CACNA1D: variants seen among roughly 807,000 people sequenced by gnomAD.
The protein encoded by CACNA1D is calcium voltage-gated channel subunit alpha1 D, also known as voltage-dependent L-type calcium channel subunit alpha-1D.
A neutral mutation model predicts 257.1 loss-of-function variants in CACNA1D; 55 were observed. The ratio of observed to expected loss-of-function variants is 0.21; its 90% confidence interval spans 0.17 to 0.27. The LOEUF is 0.27. CACNA1D is among the 10% of genes least tolerant of loss of function. The probability of loss-of-function intolerance (pLI) is 1.00; values close to 1 mark genes in which losing one functional copy is unlikely to be tolerated. For synonymous variants in CACNA1D, 980 were observed against 1,014.9 expected (o/e 0.97, Z 0.65); for missense variants, 1,876 against 2,784.0 (o/e 0.67, Z 7.34).
intron 21 of CACNA1D, chr3:53,740,573 T>C: frequency 2.1e-6 from 1 of 486,728 alleles, no homozygotes; most frequent in East Asian, 3.6e-5. Context: ...ATGGGTTTTT[T>C]TTTTGTCTTT....
intron 3 of CACNA1D, among the ~76,000 whole-genome samples, chr3:53,519,636 T>G (rs759330299): frequency 9.9e-5 from 15 of 152,206 alleles, no homozygotes; most frequent in Non-Finnish European, 1.6e-4. Flanking sequence ...AAAAGAAGCC[T>G]TATTGAGATT....
chr3:53,661,022 A>G (rs2108332254), intron 5 of CACNA1D, among the ~76,000 whole-genome samples: 1 of 152,326 alleles, frequency 6.6e-6, no homozygotes, highest in African/African-American at 2.4e-5. Context: ...CCTGAGTTGG[A>G]ATAGATGCCC....
At chr3:53,539,238 T>C (rs2092228494) in intron 3 of CACNA1D, among the ~76,000 whole-genome samples, 3 of 152,078 alleles carry the variant, frequency 2.0e-5, no homozygotes, top group Admixed American at 6.5e-5. Context: ...GCCTCCCTAG[T>C]AGCTGGGATT....
chr3:53,698,423 A>G lies in CACNA1D; in HGVS notation c.1221-4218A>G, dbSNP rs80307445. On this transcript the variant is annotated intron_variant, in intron 8 of 47. Transcript: ENST00000350061. Reference sequence around the variant, plus strand: ...TGTTTGTAGTTCATCCCTCACTCCAATCCTACCCAAGACTGAGAGTATGTC... The same window carrying G: ...TGTTTGTAGTTCATCCCTCACTCCAGTCCTACCCAAGACTGAGAGTATGTC... Among the ~76,000 whole-genome samples the G allele has an allele frequency of 1.1e-4, 16 of 152,274 alleles. No homozygotes were observed. In the East Asian group the frequency reaches 1.5e-3, roughly 15 times the overall value.
intron 3 of CACNA1D, among the ~76,000 whole-genome samples, chr3:53,633,422 TCCAC>T (rs2093844942): frequency 6.6e-6 from 1 of 151,868 alleles, no homozygotes; most frequent in Non-Finnish European, 1.5e-5. Context: ...ACCATTACAC[TCCAC>T]CCTGGGGAAC....
chr3:53,780,199 TCATCTG>T, intron 38 of CACNA1D, 71 bp downstream of exon 38: 1 of 1,227,830 alleles, frequency 8.1e-7, no homozygotes, highest in Non-Finnish European at 1.2e-6. Flanking sequence ...CTTGCCTTCC[TCATCTG>T]GGCCTTTTCT....
chr3:53,523,640 C>T (rs2091659717), intron 3 of CACNA1D, among the ~76,000 whole-genome samples: 1 of 152,200 alleles, frequency 6.6e-6, no homozygotes, highest in African/African-American at 2.4e-5. Flanking sequence ...GGAGACATTG[C>T]CCAGGCTTAG....
chr3:53,772,681 T>C (rs2095372758), intron 32 of CACNA1D, 152 bp from the exon 33 acceptor site: 3 of 664,518 alleles, frequency 4.5e-6, no homozygotes, highest in Middle Eastern at 7.7e-4. Flanking sequence ...AGGGCTGGGA[T>C]TTAAACGGTT....
At chr3:53,732,118 G>C (rs1237005325) in intron 18 of CACNA1D, 36 bp downstream of exon 18, 2 of 1,512,170 alleles carry the variant, frequency 1.3e-6, no homozygotes, top group Non-Finnish European at 9.2e-7. Context: ...TGGCTTTGCT[G>C]TGTGTCTTTG....
intron 5 of CACNA1D, among the ~76,000 whole-genome samples, chr3:53,661,248 G>A (rs1486242181): frequency 6.6e-6 from 1 of 152,120 alleles, no homozygotes; most frequent in Non-Finnish European, 1.5e-5. Flanking sequence ...GAAGAACACA[G>A]ATCACATTTT....
chr3:53,780,263 T>A lies in CACNA1D; in HGVS notation c.4690+135T>A. 6.8e-6 allele frequency: 5 copies of A among 736,768 alleles called. 1 individual carries two copies. Among genetic ancestry groups the A allele is most frequent in the South Asian group, 4.3e-5 (3 of 69,714 alleles). The allele number at this position is 736,768 out of a possible 1,614,324, so 45.6% of individuals were successfully genotyped here. On this transcript the variant is annotated intron_variant, in intron 38 of 47. Coordinates refer to ENST00000350061, the MANE Select transcript of CACNA1D (RefSeq NM_001128840.3). ...AAGGGGCTGGCAAGTAGAATGAAGA[T>A]GTCCATGCTGGGCTTGCCGGCTGGC... is the stretch of plus-strand genomic sequence containing the variant.
intron 7 of CACNA1D, among the ~76,000 whole-genome samples, chr3:53,667,190 C>T (rs555871128): frequency 5.3e-5 from 8 of 152,276 alleles, no homozygotes; most frequent in South Asian, 2.1e-4. Flanking sequence ...TGGACCCATC[C>T]AGCCTGCCAT....
In CACNA1D at chr3:53,495,137, A is replaced by G. The variant is rs756893210; in HGVS notation, c.-30A>G. 7.2e-6 allele frequency: 11 copies of G among 1,528,620 alleles called. No homozygotes were observed. Among genetic ancestry groups the G allele is most frequent in the South Asian group, 3.3e-5 (3 of 89,620 alleles). The allele number at this position is 1,528,620 out of a possible 1,614,324, so 94.7% of individuals were successfully genotyped here. A position where few individuals can be genotyped will look rare whatever the true frequency, so the allele number is the denominator to read the frequency against. On this transcript the variant is annotated 5_prime_UTR_variant, in exon 1 of 48. Coordinates refer to ENST00000350061, the MANE Select transcript of CACNA1D (RefSeq NM_001128840.3). This position sits in a 1 kb window ranked among gnomAD's most constrained non-coding sequence, Gnocchi z 5.1. ...CTCAACGCCCAGCACAGTGCCCTGC[A>G]CACAGTAGTCGCTCAATAAATGTTC...
intron 8 of CACNA1D, chr3:53,678,919 A>T (rs1180488839): frequency 6.6e-6 from 1 of 152,126 alleles, no homozygotes; most frequent in African/African-American, 2.4e-5. Flanking sequence ...TTCTAAGTGG[A>T]GACATATCCT....
At chr3:53,526,353 G>A (rs1241802750) in intron 3 of CACNA1D, among the ~76,000 whole-genome samples, 2 of 152,198 alleles carry the variant, frequency 1.3e-5, no homozygotes, top group African/African-American at 4.8e-5. Context: ...AGGACAGCCT[G>A]AACTTGGGGC....
At position 53,801,128 on chromosome 3, in the gene CACNA1D, C is replaced by G; in HGVS notation, c.5111C>G (p.Thr1704Ser). 1.2e-6 allele frequency: 2 copies of G among 1,613,868 alleles called. No homozygotes were observed. Among genetic ancestry groups the G allele is most frequent in the Non-Finnish European group, 1.7e-6 (2 of 1,179,784 alleles). The stretch of plus-strand genomic sequence containing the variant: ...GATAGGAGAGATTCCCTTCAGCAGA[C>G]CAATACCACCCACCGTCCCCTGCAT... The part of the protein sequence containing the change: ...NSDRRDSLQQ[T>S]NTTHRPLHVQ... Residue 1704 changes from threonine to serine, a missense_variant, in exon 42 of 48, where the codon ACC (threonine) becomes AGC (serine). By Grantham distance (58) the Thr-to-Ser change is moderately conservative (BLOSUM62 1). Transcript: ENST00000350061.
chr3:53,708,455 A>G (rs2094715181), intron 9 of CACNA1D, among the ~76,000 whole-genome samples: 1 of 152,188 alleles, frequency 6.6e-6, no homozygotes, highest in Non-Finnish European at 1.5e-5. Flanking sequence ...CAGTGGCTGG[A>G]CACTGTCTCC....
At position 53,673,639 on chromosome 3, in the gene CACNA1D, G is replaced by T. The variant is rs2108416787; in HGVS notation, c.1220+513G>T. The stretch of plus-strand genomic sequence containing the variant: ...CTAACCTTCAGCAAAGCACTGAGAG[G>T]TTTGGCAGCTGCAACTGGGGCTCTG... On this transcript the variant is annotated intron_variant, in intron 8 of 47. Transcript: ENST00000350061. This position sits in a 1 kb window ranked among gnomAD's most constrained non-coding sequence, Gnocchi z 4.1. 1.8e-6 allele frequency: 2 copies of T among 1,086,098 alleles called. No homozygotes were observed. Among genetic ancestry groups the T allele is most frequent in the East Asian group, 2.4e-5 (1 of 42,450 alleles). The allele number at this position is 1,086,098 out of a possible 1,614,324, so 67.3% of individuals were successfully genotyped here.
rs898080902 is a variant in CACNA1D, at chr3:53,665,514, C to G, written c.767-146C>G. 2.1e-5 allele frequency: 14 copies of G among 679,420 alleles called. No homozygotes were observed. In the African/African-American group the frequency reaches 2.2e-4, roughly 11 times the overall value. 42.1% of individuals were successfully genotyped at this position (679,420 alleles called of 1,614,324 possible). On this transcript the variant is annotated intron_variant, in intron 5 of 47. Coordinates refer to ENST00000350061, the MANE Select transcript of CACNA1D (RefSeq NM_001128840.3). Reference sequence around the variant, plus strand: ...CTTTTCAGTCTATCTCACATCCAGGCTTAATATTAATGAAAAGCTTTGAAA... The same window carrying G: ...CTTTTCAGTCTATCTCACATCCAGGGTTAATATTAATGAAAAGCTTTGAAA...
Sources: allele counts gnomAD v4.1 joint callset (sites outside exome capture counted in the v4.1 genomes callset), GRCh38; gene constraint gnomAD v4.1.1; non-coding constraint Gnocchi (gnomAD v3.1); transcripts MANE v1.5; gene names NCBI Gene and HGNC (gene_info 2026-07-23, HGNC 2026-07-21).